Variants in FHIT observed in about 807,000 individuals in gnomAD.
FHIT encodes fragile histidine triad diadenosine triphosphatase.
FHIT carries 19 observed loss-of-function variants against 17.9 expected under a neutral mutation model. The ratio of observed to expected loss-of-function variants is 1.06; its 90% confidence interval spans 0.74 to 1.56. The LOEUF (loss-of-function observed/expected upper bound fraction) is 1.56. FHIT is among the 40% of genes most tolerant of loss of function. FHIT has a pLI of 0.00. For missense variants in FHIT, 248 were observed against 189.2 expected, an observed-to-expected ratio of 1.31 and a Z score of -1.82; for synonymous variants, 81 against 69.7, an observed-to-expected ratio of 1.16 and a Z score of -0.81.
intron 4 of FHIT, among the ~76,000 whole-genome samples, chr3:60,652,727 C>CAAAAAAAAAAAAA (rs782637479): frequency 1.7e-5 from 1 of 59,018 alleles, no homozygotes. Flanking sequence ...GACTCCATCT[C>CAAAAAAAAAAAAA]AAAAAAAAAA....
chr3:59,774,169 G>A (rs968430647), intron 8 of FHIT, among the ~76,000 whole-genome samples: 19 of 152,304 alleles, frequency 1.2e-4, no homozygotes, highest in Admixed American at 3.3e-4. Flanking sequence ...CAGCCACTGG[G>A]TCAAATCTGG....
At chr3:59,880,084 C>T (rs1326469966) in intron 8 of FHIT, among the ~76,000 whole-genome samples, 1 of 152,208 alleles carries the variant, frequency 6.6e-6, no homozygotes, top group Non-Finnish European at 1.5e-5. Context: ...GACAAAGAAG[C>T]ATGGCATCAA....
chr3:59,776,236 G>C (rs1702308076), intron 8 of FHIT, among the ~76,000 whole-genome samples: 1 of 152,184 alleles, frequency 6.6e-6, no homozygotes, highest in Non-Finnish European at 1.5e-5. Flanking sequence ...TTCTGCTCCG[G>C]GGTTCTACAA....
intron 5 of FHIT, among the ~76,000 whole-genome samples, chr3:60,372,127 C>T (rs550531724): frequency 4.1e-4 from 62 of 152,238 alleles, no homozygotes; most frequent in Non-Finnish European, 6.3e-4. Context: ...CAAATGGTCT[C>T]TGAACAAGAG....
chr3:61,132,906 G>T (rs1199153067), intron 2 of FHIT, among the ~76,000 whole-genome samples: 1 of 152,210 alleles, frequency 6.6e-6, no homozygotes. Flanking sequence ...GGCAGAAATT[G>T]AAAACTAATG....
At chr3:59,988,503 T>C (rs1709086727) in intron 7 of FHIT, among the ~76,000 whole-genome samples, 1 of 152,116 alleles carries the variant, frequency 6.6e-6, no homozygotes, top group African/African-American at 2.4e-5. Flanking sequence ...ACTCATTCAT[T>C]CATCCATCTA....
At chr3:61,011,814 T>C (rs907022669) in intron 3 of FHIT, among the ~76,000 whole-genome samples, 2 of 152,148 alleles carry the variant, frequency 1.3e-5, no homozygotes, top group Non-Finnish European at 2.9e-5. Context: ...ATGGCGATGG[T>C]GTCTTATTTC....
chr3:60,804,368 T>G (rs1701307591), intron 4 of FHIT, among the ~76,000 whole-genome samples: 1 of 152,152 alleles, frequency 6.6e-6, no homozygotes, highest in South Asian at 2.1e-4. Context: ...CCCCCAGTAC[T>G]TCCCCTTATA....
intron 4 of FHIT, among the ~76,000 whole-genome samples, chr3:60,632,149 A>T (rs1553682610): frequency 6.6e-6 from 1 of 152,022 alleles, no homozygotes; most frequent in African/African-American, 2.4e-5. Flanking sequence ...GGGGAAAATC[A>T]TGAAGACAGC....
rs1051470776 is a variant in FHIT, at chr3:61,167,401, C to G, written c.-164+33216G>C. Among the ~76,000 whole-genome samples, 7 of 151,646 alleles carry G rather than the reference C, an allele frequency of 4.6e-5. No individual in the cohort carries two copies. In the East Asian group the frequency reaches 1.2e-3, roughly 25 times the overall value. The stretch of plus-strand genomic sequence containing the variant: ...CCTGTAATCCCAACACTTAGGGAGG[C>G]TGAGGCGGGCAGATCAATTGAGGTC... On this transcript the variant is annotated intron_variant, in intron 2 of 9. Coordinates refer to ENST00000492590, the MANE Select transcript of FHIT (RefSeq NM_002012.4).
intron 5 of FHIT, among the ~76,000 whole-genome samples, chr3:60,202,039 T>G (rs1484502139): frequency 6.6e-6 from 1 of 152,158 alleles, no homozygotes; most frequent in Non-Finnish European, 1.5e-5. Flanking sequence ...AAAAATAATC[T>G]TGGAAATTCT....
chr3:60,303,598 T>C (rs1022408785), intron 5 of FHIT, among the ~76,000 whole-genome samples: 3 of 152,118 alleles, frequency 2.0e-5, no homozygotes, highest in African/African-American at 7.2e-5. Flanking sequence ...TCAGTGTTGA[T>C]GTGTGCCGCT....
intron 4 of FHIT, among the ~76,000 whole-genome samples, chr3:60,731,556 A>T (rs929257797): frequency 6.6e-6 from 1 of 152,082 alleles, no homozygotes; most frequent in African/African-American, 2.4e-5. Flanking sequence ...CTGCATGCAC[A>T]GTGTGTTTAC....
chr3:61,151,614 C>T (rs1406512919), intron 2 of FHIT, among the ~76,000 whole-genome samples: 2 of 148,634 alleles, frequency 1.3e-5, no homozygotes, highest in Non-Finnish European at 3.0e-5. Flanking sequence ...CACTCTGCCA[C>T]CCAGGCTGGA....
chr3:59,795,998 G>T (rs1242544230), intron 8 of FHIT, among the ~76,000 whole-genome samples: 1 of 152,124 alleles, frequency 6.6e-6, no homozygotes, highest in Non-Finnish European at 1.5e-5. Context: ...TTTTATCCCT[G>T]GTCTTGGGAT....
chr3:60,287,659 A>G (rs191106553), intron 5 of FHIT, among the ~76,000 whole-genome samples: 1 of 152,282 alleles, frequency 6.6e-6, no homozygotes, highest in East Asian at 1.9e-4. Context: ...GAAAGAGAAG[A>G]CCTACCATCT....
intron 4 of FHIT, among the ~76,000 whole-genome samples, chr3:60,624,008 C>T (rs1344188034): frequency 6.6e-6 from 1 of 152,124 alleles, no homozygotes; most frequent in Non-Finnish European, 1.5e-5. Context: ...GCAGAACATG[C>T]TAAGTACAAT....
At chr3:60,170,427 A>G in intron 5 of FHIT, among the ~76,000 whole-genome samples, 1 of 152,198 alleles carries the variant, frequency 6.6e-6, no homozygotes, top group Middle Eastern at 3.2e-3. Context: ...TTTGACATGC[A>G]TTCTTATCAC....
intron 5 of FHIT, among the ~76,000 whole-genome samples, chr3:60,235,755 T>C (rs974276357): frequency 4.6e-5 from 7 of 152,126 alleles, no homozygotes; most frequent in African/African-American, 1.7e-4. Flanking sequence ...CATGCTTGCT[T>C]TGATTAAAGA....
Sources: gnomAD v4.1 joint callset for allele counts (sites outside exome capture counted in the v4.1 genomes callset) on GRCh38, gnomAD v4.1.1 for gene constraint, MANE v1.5 for transcripts, NCBI Gene and HGNC (gene_info 2026-07-23, HGNC 2026-07-21) for gene names.